ADCY1: variants seen among roughly 807,000 people sequenced by gnomAD.
ADCY1 encodes the protein adenylate cyclase type 1.
ADCY1 carries 28 observed loss-of-function variants against 105.4 expected under a neutral mutation model. That is an observed-to-expected ratio of 0.27 (90% CI 0.20 to 0.36). The LOEUF is 0.36. Ranked by LOEUF, ADCY1 falls within the 10% of genes least tolerant of loss-of-function variation. ADCY1 has a pLI of 1.00. For missense variants in ADCY1, 977 were observed against 1,434.2 expected (o/e 0.68, Z 5.15); for synonymous variants, 655 against 623.8 (o/e 1.05, Z -0.75).
At position 45,667,467 on chromosome 7, in the gene ADCY1, T is replaced by C. The variant is rs544156308; in HGVS notation, c.1605+5253T>C. ...TGTGTGGCATTATTTCTGAGGGCTC[T>C]GTTGTGTTCCATTGGTCTATAACTC... On this transcript the variant is annotated intron_variant, in intron 8 of 19. Coordinates refer to ENST00000297323, the MANE Select transcript of ADCY1 (RefSeq NM_021116.4). 5.3e-5 allele frequency among the ~76,000 whole-genome samples: 8 copies of C among 152,338 alleles called. No individual in the cohort carries two copies. In the South Asian group the frequency reaches 1.5e-3, roughly 28 times the overall value.
intron 14 of ADCY1, among the ~76,000 whole-genome samples, chr7:45,691,174 G>C (rs1353735962): frequency 1.3e-5 from 2 of 152,152 alleles, no homozygotes; most frequent in Non-Finnish European, 2.9e-5. Context: ...TCTCCATCCA[G>C]TGACACCCCC....
rs372206817 is a variant in ADCY1 at position 45,704,598 on chromosome 7, G to A, written c.2799G>A (p.Ala933=). ...CCTACATGGCCGCTGTGGGGCTAGC[G>A]CCCACCTCGGGGACCAAGGTGAGTG... ...GSTYMAAVGL[A]PTSGTKAKKS... The change falls in exon 17 of 20, where the codon GCG becomes GCA. Residue 933 remains alanine, a synonymous_variant. Coordinates refer to ENST00000297323, the MANE Select transcript of ADCY1 (RefSeq NM_021116.4). 1.1e-5 allele frequency: 17 copies of A among 1,613,916 alleles called. No homozygotes were observed. The South Asian group carries it at 1.3e-4, about 13-fold the overall frequency.
In ADCY1 at chr7:45,647,356, G is replaced by C. The variant is rs1794690323; in HGVS notation, c.1021-1314G>C. 6.6e-6 allele frequency among the ~76,000 whole-genome samples: 1 copy of C among 152,240 alleles called. No homozygotes were observed. The highest frequency in any genetic ancestry group is 1.5e-5 in the Non-Finnish European group (1 of 68,040). On this transcript the variant is annotated intron_variant, in intron 4 of 19. Transcript: ENST00000297323. The surrounding 1 kb of genome is among the most constrained non-coding windows in gnomAD (Gnocchi z 4.6). Reference sequence around the variant, plus strand: ...AGAATGTGGGGCACAGATGAGCACAGGGGTCATGAGAGCTGATGATTCTCA... The same window carrying C: ...AGAATGTGGGGCACAGATGAGCACACGGGTCATGAGAGCTGATGATTCTCA...
chr7:45,623,244 C>T (rs148561848), intron 4 of ADCY1, among the ~76,000 whole-genome samples: 235 of 152,330 alleles, frequency 1.5e-3, no homozygotes, highest in African/African-American at 5.5e-3. Flanking sequence ...CAGCAGACTG[C>T]GTGCTGGGGT....
chr7:45,679,610 A>C (rs1784519474), intron 10 of ADCY1, 99 bp from the exon 11 acceptor site: 17 of 1,160,804 alleles, frequency 1.5e-5, no homozygotes, highest in Non-Finnish European at 2.2e-5. Context: ...TCCTGAGAGC[A>C]CAGGGGATGT....
At chr7:45,711,918 A>ATATATTATATTAAATATATAAATATAT (rs1554333319) in intron 19 of ADCY1, among the ~76,000 whole-genome samples, 2 of 109,760 alleles carry the variant, frequency 1.8e-5, no homozygotes, top group Non-Finnish European at 3.5e-5. Context: ...ATATAAATAT[A>ATATATTATATTAAATATATAAATATAT]TTATATATTA....
rs1013880873 is a variant in ADCY1, at chr7:45,664,314, G to A, written c.1605+2100G>A. On this transcript the variant is annotated intron_variant, in intron 8 of 19. Coordinates refer to ENST00000297323, the MANE Select transcript of ADCY1 (RefSeq NM_021116.4). ...GTTCAGATCCATCCCTCACTGAGTG[G>A]CCTGGATGTCCTCCTGGGGTTTTGG... is the stretch of plus-strand genomic sequence containing the variant. 4 of 1,536,174 alleles carry A rather than the reference G, an allele frequency of 2.6e-6. No individual in the cohort carries two copies. In the African/African-American group the frequency reaches 5.5e-5, roughly 21 times the overall value.
At chr7:45,601,885 G>A (rs1793249151) in intron 2 of ADCY1, among the ~76,000 whole-genome samples, 2 of 152,144 alleles carry the variant, frequency 1.3e-5, no homozygotes, top group African/African-American at 4.8e-5. Context: ...GTGGATGGAG[G>A]ACACCATGGC....
chr7:45,656,597 G>T (rs1381928546), intron 5 of ADCY1, among the ~76,000 whole-genome samples: 2 of 152,304 alleles, frequency 1.3e-5, no homozygotes, highest in Non-Finnish European at 2.9e-5. Flanking sequence ...AAGCAGTGGG[G>T]TTGTGTGGAG....
At chr7:45,590,215 C>G (rs932829760) in intron 1 of ADCY1, among the ~76,000 whole-genome samples, 5 of 152,012 alleles carry the variant, frequency 3.3e-5, no homozygotes, top group Non-Finnish European at 7.4e-5. Flanking sequence ...GTGCTATGTC[C>G]CCACCCCCCC....
chr7:45,645,233 G>A (rs1047053677), intron 4 of ADCY1, among the ~76,000 whole-genome samples: 5 of 152,016 alleles, frequency 3.3e-5, no homozygotes, highest in African/African-American at 7.2e-5. Flanking sequence ...CTCACAGCTC[G>A]CCCACACCAT....
chr7:45,617,835 C>G, intron 3 of ADCY1, among the ~76,000 whole-genome samples: 1 of 152,166 alleles, frequency 6.6e-6, no homozygotes, highest in East Asian at 1.9e-4. Context: ...AGTGCAATCT[C>G]TATCAAAGTA....
At chr7:45,695,017 T>C (rs1439464935) in intron 14 of ADCY1, among the ~76,000 whole-genome samples, 3 of 152,216 alleles carry the variant, frequency 2.0e-5, no homozygotes, top group Non-Finnish European at 4.4e-5. Flanking sequence ...CCCTTTGAAC[T>C]CAAGCTGCCT....
At chr7:45,600,974 T>G (rs1224952999) in intron 2 of ADCY1, among the ~76,000 whole-genome samples, 2 of 152,182 alleles carry the variant, frequency 1.3e-5, no homozygotes, top group East Asian at 3.8e-4. Context: ...GGCTTCAATC[T>G]ATGAATATGG....
chr7:45,659,241 A>G (rs1019668508), intron 6 of ADCY1, among the ~76,000 whole-genome samples: 5 of 152,238 alleles, frequency 3.3e-5, no homozygotes, highest in South Asian at 4.1e-4. Context: ...ACTGCCTCCT[A>G]TCTGAGCCAG....
chr7:45,662,323 C>T (rs1363718521), intron 8 of ADCY1, 109 bp downstream of exon 8: 2 of 1,218,414 alleles, frequency 1.6e-6, no homozygotes, highest in Non-Finnish European at 2.2e-6. Flanking sequence ...ATTCCCTGTT[C>T]ACATGTGGAT....
At chr7:45,576,441 C>T (rs888465782) in intron 1 of ADCY1, among the ~76,000 whole-genome samples, 1 of 151,976 alleles carries the variant, frequency 6.6e-6, no homozygotes, top group Non-Finnish European at 1.5e-5. Context: ...GTGCTCAACC[C>T]GTGGGCAGGG....
chr7:45,719,927 G>C lies in ADCY1; in HGVS notation c.*5932G>C, dbSNP rs1785437517. The C allele has an allele frequency of 6.6e-6, 1 of 151,956 alleles. No homozygotes were observed. Among genetic ancestry groups the C allele is most frequent in the Admixed American group, 6.5e-5 (1 of 15,272 alleles). 9.4% of individuals were successfully genotyped at this position (151,956 alleles called of 1,614,324 possible). A position where few individuals can be genotyped will look rare whatever the true frequency, so the allele number is the denominator to read the frequency against. On this transcript the variant is annotated 3_prime_UTR_variant, in exon 20 of 20. Transcript: ENST00000297323. Reference sequence around the variant, plus strand: ...CTACTACATCAGCACTGAAGTCCAGGGGCATTGAGGCACTAACTAGGTTCC... The same window carrying C: ...CTACTACATCAGCACTGAAGTCCAGCGGCATTGAGGCACTAACTAGGTTCC...
At chr7:45,583,950 T>TTG (rs1562673089) in intron 1 of ADCY1, among the ~76,000 whole-genome samples, 1,513 of 85,828 alleles carry the variant, frequency 0.018, 58 homozygotes, top group African/African-American at 0.048. Flanking sequence ...TTTTTTTTTT[T>TTG]TTTTTTTTTT....
Sources: allele counts gnomAD v4.1 joint callset (sites outside exome capture counted in the v4.1 genomes callset), GRCh38; gene constraint gnomAD v4.1.1; non-coding constraint Gnocchi (gnomAD v3.1); transcripts MANE v1.5; gene names NCBI Gene and HGNC (gene_info 2026-07-23, HGNC 2026-07-21).